NTNG1: variants seen among roughly 807,000 people sequenced by gnomAD.
NTNG1 encodes netrin-G1.
In NTNG1, 16 loss-of-function variants were observed where a neutral mutation model predicts 54.0. The ratio of observed to expected loss-of-function variants is 0.30; its 90% CI spans 0.20 to 0.45. The LOEUF (loss-of-function observed/expected upper bound fraction) is 0.45, where lower values mean the gene tolerates loss of function less well. Ranked by LOEUF, NTNG1 falls within the 20% of genes least tolerant of loss-of-function variation. The pLI is 1.00. For missense variants in NTNG1, 530 were observed against 678.7 expected, an observed-to-expected ratio of 0.78 and a Z score of 2.43; for synonymous variants, 255 against 263.1, an observed-to-expected ratio of 0.97 and a Z score of 0.30.
At chr1:107,302,389 T>G (rs879867336) in intron 2 of NTNG1, among the ~76,000 whole-genome samples, 3 of 152,112 alleles carry the variant, frequency 2.0e-5, no homozygotes, top group Non-Finnish European at 4.4e-5. Context: ...AGTCCCCACT[T>G]TGTTCTCCAT....
At chr1:107,431,183 T>C (rs1358975718) in intron 6 of NTNG1, among the ~76,000 whole-genome samples, 2 of 152,156 alleles carry the variant, frequency 1.3e-5, no homozygotes, top group African/African-American at 2.4e-5. Context: ...TTTTCTTTCT[T>C]CCCGTTTTTT....
At chr1:107,247,199 C>T (rs113418100) in intron 2 of NTNG1, among the ~76,000 whole-genome samples, 1,769 of 152,276 alleles carry the variant, frequency 0.012, 29 homozygotes, top group African/African-American at 0.04. Context: ...TGGGACTTGT[C>T]GCACCATTAA....
chr1:107,254,538 A>G (rs1662810279), intron 2 of NTNG1, among the ~76,000 whole-genome samples: 1 of 152,174 alleles, frequency 6.6e-6, no homozygotes, highest in South Asian at 2.1e-4. Context: ...CTGCCCTTTG[A>G]GGCGCTTGCC....
chr1:107,403,154 T>C (rs566203740), intron 4 of NTNG1, among the ~76,000 whole-genome samples: 1 of 152,290 alleles, frequency 6.6e-6, no homozygotes, highest in East Asian at 1.9e-4. Context: ...TTATATTGTG[T>C]AATTCTACTA....
chr1:107,451,970 A>G (rs936245927), intron 7 of NTNG1, among the ~76,000 whole-genome samples: 16 of 152,144 alleles, frequency 1.1e-4, no homozygotes, highest in Non-Finnish European at 2.4e-4. Context: ...ATTCCAGCTC[A>G]GTAGCTGTCT....
chr1:107,165,500 C>G (rs1434354420), intron 2 of NTNG1, among the ~76,000 whole-genome samples: 1 of 152,116 alleles, frequency 6.6e-6, no homozygotes, highest in Non-Finnish European at 1.5e-5. Context: ...GGTAATTCTC[C>G]TTAACAATGC....
chr1:107,415,218 C>T lies in NTNG1; in HGVS notation c.1087+7510C>T, dbSNP rs139578658. On this transcript the variant is annotated intron_variant, in intron 5 of 7. Coordinates refer to ENST00000370068, the MANE Select transcript of NTNG1 (RefSeq NM_001113226.3). Reference sequence around the variant, plus strand: ...AATGATTTGCCATTTACAAGCATATCGTGATCCTTCCCCTCACCCTTATAA... The same window carrying T: ...AATGATTTGCCATTTACAAGCATATTGTGATCCTTCCCCTCACCCTTATAA... Among the ~76,000 whole-genome samples the T allele has an allele frequency of 3.6e-3, 550 of 152,238 alleles. 2 individuals are homozygous for T. The highest frequency in any genetic ancestry group is 6.1e-3 in the Non-Finnish European group (413 of 68,008).
intron 5 of NTNG1, among the ~76,000 whole-genome samples, chr1:107,418,140 C>A (rs191243863): frequency 2.0e-5 from 3 of 152,078 alleles, no homozygotes; most frequent in Admixed American, 6.6e-5. Context: ...TTAAAACATA[C>A]CCCGAAGAAT....
rs187317356 is a variant in NTNG1 at position 107,183,225 on chromosome 1, A to G, written c.246+34386A>G. ...TCTGGTTCCTGTGATTAATGCTGGA[A>G]TGCAAAACAGCTACTTCTCTTCTTT... On this transcript the variant is annotated intron_variant, in intron 2 of 7. Coordinates refer to ENST00000370068, the MANE Select transcript of NTNG1 (RefSeq NM_001113226.3). 7.2e-5 allele frequency among the ~76,000 whole-genome samples: 11 copies of G among 152,260 alleles called. No individual in the cohort carries two copies. In the East Asian group the frequency reaches 1.7e-3, roughly 24 times the overall value.
chr1:107,166,069 CAA>C (rs1201937510), intron 2 of NTNG1, among the ~76,000 whole-genome samples: 1 of 152,086 alleles, frequency 6.6e-6, no homozygotes, highest in Non-Finnish European at 1.5e-5. Context: ...AAAGAAGAAA[CAA>C]ATATTATGCC....
intron 7 of NTNG1, among the ~76,000 whole-genome samples, chr1:107,475,871 A>G (rs989760933): frequency 6.6e-6 from 1 of 152,164 alleles, no homozygotes; most frequent in African/African-American, 2.4e-5. Flanking sequence ...CCCACTTGTG[A>G]CAACCAAAAA....
chr1:107,158,687 G>A lies in NTNG1; in HGVS notation c.246+9848G>A, dbSNP rs562311949. Among the ~76,000 whole-genome samples, 18 of 152,172 alleles carry A rather than the reference G, an allele frequency of 1.2e-4. No individual in the cohort carries two copies. In the South Asian group the frequency reaches 2.7e-3, roughly 23 times the overall value. On this transcript the variant is annotated intron_variant, in intron 2 of 7. Transcript: ENST00000370068. ...GTACACTTCCAGACAATTTCTAAGCGTGGTCTGGAAACTTGTCTTGTGTTT... is the reference window on the plus strand; with the variant it reads ...GTACACTTCCAGACAATTTCTAAGCATGGTCTGGAAACTTGTCTTGTGTTT...
intron 2 of NTNG1, among the ~76,000 whole-genome samples, chr1:107,257,704 C>T (rs1663020393): frequency 6.6e-6 from 1 of 152,168 alleles, no homozygotes; most frequent in Admixed American, 6.5e-5. Context: ...TGCATGGACT[C>T]CAGCTGAGAG....
rs557080336 is a variant in NTNG1 at position 107,212,947 on chromosome 1, G to A, written c.246+64108G>A. 4.0e-4 allele frequency among the ~76,000 whole-genome samples: 61 copies of A among 152,046 alleles called. 1 individual carries two copies. The South Asian group carries it at 7.9e-3, about 20-fold the overall frequency. On this transcript the variant is annotated intron_variant, in intron 2 of 7. Coordinates refer to ENST00000370068, the MANE Select transcript of NTNG1 (RefSeq NM_001113226.3). ...CCTGTTACCAAGTAATTCTCACTGG[G>A]AACATCCCAGGGCAATGCTGCCAAT...
chr1:107,237,202 G>C (rs949612404), intron 2 of NTNG1, among the ~76,000 whole-genome samples: 2 of 152,174 alleles, frequency 1.3e-5, no homozygotes, highest in African/African-American at 4.8e-5. Flanking sequence ...GGTGACTCTT[G>C]TTATGTTTTA....
At position 107,367,060 on chromosome 1, in the gene NTNG1, C is replaced by CCG. The variant is rs1557937634; in HGVS notation, c.888-28094_888-28093insCG. ...GCTACAAAGGAACAATGTCTTTTAT[C>CCG]TGTTCGTGTGTGTGTGTGTGTGTGT... On this transcript the variant is annotated intron_variant, in intron 3 of 7. Coordinates refer to ENST00000370068, the MANE Select transcript of NTNG1 (RefSeq NM_001113226.3). Among the ~76,000 whole-genome samples, 195 of 132,910 alleles carry CCG rather than the reference C, an allele frequency of 1.5e-3. 1 individual carries two copies. The highest frequency in any genetic ancestry group is 5.6e-3 in the African/African-American group (182 of 32,666). 87.2% of individuals were successfully genotyped at this position (132,910 alleles called of 152,430 possible). A position where few individuals can be genotyped will look rare whatever the true frequency, so the allele number is the denominator to read the frequency against.
intron 5 of NTNG1, among the ~76,000 whole-genome samples, chr1:107,427,275 G>A (rs1410587705): frequency 6.6e-6 from 1 of 152,002 alleles, no homozygotes; most frequent in Non-Finnish European, 1.5e-5. Flanking sequence ...TTGGAGGGTG[G>A]AAGGCCAAGG....
chr1:107,221,698 G>A lies in NTNG1; in HGVS notation c.246+72859G>A, dbSNP rs534026711. On this transcript the variant is annotated intron_variant, in intron 2 of 7. Transcript: ENST00000370068. ...TAACACTCAGCACAGTACTTGGGCC[G>A]TGGCTGGCACCTGGTATGTGCTTGA... Among the ~76,000 whole-genome samples, 4 of 152,300 alleles carry A rather than the reference G, an allele frequency of 2.6e-5. 1 individual carries two copies. In the South Asian group the frequency reaches 6.2e-4, roughly 24 times the overall value.
chr1:107,201,303 G>A (rs1275717343), intron 2 of NTNG1, among the ~76,000 whole-genome samples: 1 of 151,712 alleles, frequency 6.6e-6, no homozygotes, highest in African/African-American at 2.4e-5. Flanking sequence ...CCCTGAATTT[G>A]TCTCCTGACC....
Sources: allele counts gnomAD v4.1 joint callset (sites outside exome capture counted in the v4.1 genomes callset), GRCh38; gene constraint gnomAD v4.1.1; transcripts MANE v1.5; gene names NCBI Gene and HGNC (gene_info 2026-07-23, HGNC 2026-07-21).